The following CNTN5 variants were observed in gnomAD, a reference collection of about 807,000 sequenced individuals.
CNTN5 encodes contactin 5, also known as contactin-5.
A neutral mutation model predicts 129.1 loss-of-function variants in CNTN5; 77 were observed. That is an observed-to-expected ratio of 0.60 (90% CI 0.50 to 0.72). The LOEUF (loss-of-function observed/expected upper bound fraction) is 0.72. Among genes scored for constraint, CNTN5 ranks in the 30% least tolerant of loss-of-function variants. The pLI, the probability that CNTN5 is intolerant of heterozygous loss-of-function variation, is 0.00. For synonymous variants in CNTN5, 509 were observed against 465.6 expected, an observed-to-expected ratio of 1.09 and a Z score of -1.20; for missense variants, 1,478 against 1,328.8, an observed-to-expected ratio of 1.11 and a Z score of -1.75.
At chr11:100,289,557 C>T (rs1231230606) in intron 18 of CNTN5, among the ~76,000 whole-genome samples, 1 of 152,152 alleles carries the variant, frequency 6.6e-6, no homozygotes, top group African/African-American at 2.4e-5. Flanking sequence ...CAAAATTCAA[C>T]AACGCTTCAT....
At chr11:100,262,421 C>G (rs1460321758) in intron 17 of CNTN5, among the ~76,000 whole-genome samples, 1 of 152,080 alleles carries the variant, frequency 6.6e-6, no homozygotes, top group Non-Finnish European at 1.5e-5. Flanking sequence ...ATCATTTAAC[C>G]CAGCAATCCT....
At chr11:99,255,428 T>A (rs1439292812) in intron 1 of CNTN5, among the ~76,000 whole-genome samples, 2 of 151,512 alleles carry the variant, frequency 1.3e-5, no homozygotes, top group Non-Finnish European at 2.9e-5. Context: ...GAAGAAAGCT[T>A]TTACCAACGT....
At chr11:99,846,704 C>A (rs1186118634) in intron 6 of CNTN5, among the ~76,000 whole-genome samples, 1 of 151,930 alleles carries the variant, frequency 6.6e-6, no homozygotes, top group East Asian at 1.9e-4. Context: ...TCCCAGGTAT[C>A]ATTTCTAATT....
intron 1 of CNTN5, among the ~76,000 whole-genome samples, chr11:99,281,256 A>T (rs984503039): frequency 6.6e-6 from 1 of 151,960 alleles, no homozygotes; most frequent in African/African-American, 2.4e-5. Context: ...CCACAAAGAT[A>T]AAAGGAATTT....
At chr11:99,859,630 G>T (rs963218493) in intron 6 of CNTN5, among the ~76,000 whole-genome samples, 1 of 152,090 alleles carries the variant, frequency 6.6e-6, no homozygotes, top group Non-Finnish European at 1.5e-5. Flanking sequence ...GCATTAATTT[G>T]CTTAGGATAA....
intron 13 of CNTN5, among the ~76,000 whole-genome samples, chr11:100,112,771 A>C (rs1753363072): frequency 6.6e-6 from 1 of 152,190 alleles, no homozygotes; most frequent in Non-Finnish European, 1.5e-5. Flanking sequence ...TGAAAGTTTC[A>C]GACTAAAGGT....
At chr11:100,046,090 G>A (rs866056987) in intron 9 of CNTN5, among the ~76,000 whole-genome samples, 1 of 143,168 alleles carries the variant, frequency 7.0e-6, no homozygotes, top group African/African-American at 2.6e-5. Context: ...TGAACAATGA[G>A]AACACATGGA....
intron 1 of CNTN5, among the ~76,000 whole-genome samples, chr11:99,154,864 G>A (rs780307123): frequency 5.9e-5 from 9 of 152,200 alleles, no homozygotes; most frequent in Middle Eastern, 6.8e-3. Context: ...CAGGCCTGGT[G>A]GTCACCCTCA....
chr11:100,170,846 TA>T (rs1412747880), intron 13 of CNTN5, among the ~76,000 whole-genome samples: 2 of 151,652 alleles, frequency 1.3e-5, no homozygotes, highest in African/African-American at 2.4e-5. Flanking sequence ...TGCTTACTGT[TA>T]ACTTTAAGAT....
At chr11:100,092,508 C>T (rs530769783) in intron 13 of CNTN5, among the ~76,000 whole-genome samples, 4 of 152,250 alleles carry the variant, frequency 2.6e-5, no homozygotes, top group South Asian at 2.1e-4. Context: ...CAAATCAGAA[C>T]GCTTTTCACA....
At position 100,358,755 on chromosome 11, in the gene CNTN5, G is replaced by A. The variant is rs1385951518; in HGVS notation, c.*2535G>A. 6.6e-6 allele frequency: 1 copy of A among 151,860 alleles called. No individual in the cohort carries two copies. Among genetic ancestry groups the A allele is most frequent in the African/African-American group, 2.4e-5 (1 of 41,400 alleles). The allele number at this position is 151,860 out of a possible 1,614,324, so 9.4% of individuals were successfully genotyped here. A position where few individuals can be genotyped will look rare whatever the true frequency, so the allele number is the denominator to read the frequency against. On this transcript the variant is annotated 3_prime_UTR_variant, in exon 25 of 25. Coordinates refer to ENST00000524871, the MANE Select transcript of CNTN5 (RefSeq NM_014361.4). Reference sequence around the variant, plus strand: ...CCCATGTCAAACTGTTAAATATATTGTGTACGATCTGTATATATACTATAT... The same window carrying A: ...CCCATGTCAAACTGTTAAATATATTATGTACGATCTGTATATATACTATAT...
chr11:99,574,003 C>T (rs903113833), intron 3 of CNTN5, among the ~76,000 whole-genome samples: 12 of 151,936 alleles, frequency 7.9e-5, no homozygotes, highest in African/African-American at 2.2e-4. Flanking sequence ...TTTGCTGCAC[C>T]CATCAACCCG....
intron 6 of CNTN5, among the ~76,000 whole-genome samples, chr11:99,892,901 C>A (rs948458491): frequency 8.5e-5 from 13 of 152,160 alleles, no homozygotes; most frequent in African/African-American, 3.1e-4. Flanking sequence ...AGCATTGAAT[C>A]TATAAATAAG....
chr11:99,833,653 A>G (rs975668479), intron 4 of CNTN5, among the ~76,000 whole-genome samples: 2 of 152,138 alleles, frequency 1.3e-5, no homozygotes, highest in Admixed American at 6.6e-5. Context: ...TTGAGGTGCA[A>G]TCTTATTGTA....
At chr11:99,238,642 T>A (rs948954593) in intron 1 of CNTN5, among the ~76,000 whole-genome samples, 3 of 152,166 alleles carry the variant, frequency 2.0e-5, no homozygotes, top group African/African-American at 7.2e-5. Context: ...AATCTAGCTA[T>A]CTTGTTAGTA....
chr11:99,303,166 A>G (rs965056655), intron 1 of CNTN5, among the ~76,000 whole-genome samples: 3 of 151,724 alleles, frequency 2.0e-5, no homozygotes, highest in African/African-American at 4.8e-5. Flanking sequence ...AATCCAATTG[A>G]CCTTGTATTA....
At chr11:99,803,806 G>A (rs1231715781) in intron 3 of CNTN5, among the ~76,000 whole-genome samples, 4 of 152,048 alleles carry the variant, frequency 2.6e-5, no homozygotes, top group Non-Finnish European at 4.4e-5. Flanking sequence ...GCTACGTCCC[G>A]TTACAGTGCT....
At chr11:99,170,329 C>T (rs897699094) in intron 1 of CNTN5, among the ~76,000 whole-genome samples, 5 of 152,062 alleles carry the variant, frequency 3.3e-5, no homozygotes, top group African/African-American at 7.2e-5. Context: ...ACACAAAGGT[C>T]GCAGTCAGAT....
At chr11:99,300,290 T>G (rs1016097664) in intron 1 of CNTN5, among the ~76,000 whole-genome samples, 9 of 152,250 alleles carry the variant, frequency 5.9e-5, no homozygotes, top group African/African-American at 2.2e-4. Context: ...TGAAATACGT[T>G]TCTTCTCATG....
Sources: gnomAD v4.1 joint callset for allele counts (sites outside exome capture counted in the v4.1 genomes callset) on GRCh38, gnomAD v4.1.1 for gene constraint, MANE v1.5 for transcripts, NCBI Gene and HGNC (gene_info 2026-07-23, HGNC 2026-07-21) for gene names.